The following ZNF397 variants were observed in gnomAD, a reference collection of about 807,000 sequenced individuals.
ZNF397 encodes zinc finger protein 397, also known as zinc finger and SCAN domain-containing protein 15.
ZNF397 carries 38 observed loss-of-function variants against 50.6 expected under a neutral mutation model. The observed-to-expected ratio is 0.75, with a 90% CI of 0.58 to 0.98. The LOEUF is 0.98. ZNF397 is among the 50% of genes least tolerant of loss of function. ZNF397 has a pLI of 0.00. For synonymous variants in ZNF397, 228 were observed against 215.2 expected, an observed-to-expected ratio of 1.06 and a Z score of -0.52; for missense variants, 624 against 624.1, an observed-to-expected ratio of 1.00 and a Z score of 0.00.
chr18:35,255,313 T>C (rs1471236399), intron 5 of ZNF397, among the ~76,000 whole-genome samples: 1 of 151,698 alleles, frequency 6.6e-6, no homozygotes, highest in Non-Finnish European at 1.5e-5. Context: ...CTACTAGTTA[T>C]ATCTAGAGAT....
chr18:35,246,522 A>C lies in ZNF397; in HGVS notation c.*212A>C. ...CAGAACAGAATACAGAAGAATCATT[A>C]CTTCCAGCTCTTCTCTTATTAGGAA... On this transcript the variant is annotated 3_prime_UTR_variant, in exon 4 of 4. Transcript: ENST00000330501. 7.6e-7 allele frequency: 1 copy of C among 1,310,750 alleles called. No homozygotes were observed. Among genetic ancestry groups the C allele is most frequent in the African/African-American group, 1.5e-5 (1 of 66,032 alleles). 81.2% of individuals were successfully genotyped at this position (1,310,750 alleles called of 1,614,324 possible). A position where few individuals can be genotyped will look rare whatever the true frequency, so the allele number is the denominator to read the frequency against.
At position 35,247,392 on chromosome 18, in the gene ZNF397, C is replaced by G. The variant is rs1346985057; in HGVS notation, c.*1082C>G. 1.3e-5 allele frequency: 2 copies of G among 152,686 alleles called. No individual in the cohort carries two copies. Among genetic ancestry groups the G allele is most frequent in the Admixed American group, 1.3e-4 (2 of 15,276 alleles). The allele number at this position is 152,686 out of a possible 1,614,324, so 9.5% of individuals were successfully genotyped here. Reference sequence around the variant, plus strand: ...GTGAGAAAGAGCCCAGCCTATACCTCAAGAGTCTGCTAGAGTGTTAAGACT... The same window carrying G: ...GTGAGAAAGAGCCCAGCCTATACCTGAAGAGTCTGCTAGAGTGTTAAGACT... On this transcript the variant is annotated 3_prime_UTR_variant, in exon 4 of 4. Transcript: ENST00000330501.
Position 35,243,135 on chromosome 18 carries a change from T to C in ZNF397, c.415-17T>C, listed in dbSNP as rs771651777. On this transcript the variant is annotated splice_polypyrimidine_tract_variant and intron_variant, in intron 2 of 3. Coordinates refer to ENST00000330501, the MANE Select transcript of ZNF397 (RefSeq NM_001135178.3). ...AGGGATTTTCTCACAAAGCTAACCA[T>C]ATTTTACTGATTTCAGGTCCCAGCT... 3.7e-6 allele frequency: 6 copies of C among 1,613,904 alleles called. No homozygotes were observed. Among genetic ancestry groups the C allele is most frequent in the African/African-American group, 1.3e-5 (1 of 75,022 alleles).
In ZNF397 at chr18:35,242,425, C is replaced by A. The variant is rs781222057; in HGVS notation, c.-46C>A. 2.6e-6 allele frequency: 4 copies of A among 1,560,666 alleles called. No individual in the cohort carries two copies. The highest frequency in any genetic ancestry group is 8.7e-7 in the Non-Finnish European group (1 of 1,152,704). On this transcript the variant is annotated 5_prime_UTR_variant, in exon 2 of 4. Transcript: ENST00000330501. ...GATTACTCACACTCCTTCGCAAGCA[C>A]AGAACCAGTTGTACTGAGCTTTTTG...
At chr18:35,252,319 C>G (rs565078782), downstream of ZNF397, 1 of 152,326 alleles carries the variant, frequency 6.6e-6, no homozygotes, top group East Asian at 1.9e-4. Flanking sequence ...ACAGTGGGGA[C>G]TGGAGTGTTT....
intron 5 of ZNF397, chr18:35,256,978 G>A (rs2043848553): frequency 6.5e-6 from 1 of 153,930 alleles, no homozygotes; most frequent in African/African-American, 2.4e-5. Flanking sequence ...GTCTTGCCAT[G>A]TTGCCCAGAC....
In ZNF397 at chr18:35,247,689, T is replaced by TTC. The variant is rs2043505474; in HGVS notation, c.*1380_*1381insCT. The TTC allele has an allele frequency of 6.7e-6, 1 of 148,194 alleles. No homozygotes were observed. The highest frequency in any genetic ancestry group is 1.5e-5 in the Non-Finnish European group (1 of 67,850). 9.2% of individuals were successfully genotyped at this position (148,194 alleles called of 1,614,324 possible). On this transcript the variant is annotated 3_prime_UTR_variant, in exon 4 of 4. Coordinates refer to ENST00000330501, the MANE Select transcript of ZNF397 (RefSeq NM_001135178.3). ...CAATTTTTTTTTTTTTTTTTTTTTT[T>TTC]TTGAGATGGAGTTCGCTCTTGTCCA...
chr18:35,255,315 T>C (rs1050581680), intron 5 of ZNF397, among the ~76,000 whole-genome samples: 2 of 151,630 alleles, frequency 1.3e-5, no homozygotes, highest in African/African-American at 4.8e-5. Context: ...ACTAGTTATA[T>C]CTAGAGATTT....
downstream of ZNF397, among the ~76,000 whole-genome samples, chr18:35,250,863 C>G (rs902908772): frequency 6.6e-6 from 1 of 152,194 alleles, no homozygotes; most frequent in Admixed American, 6.5e-5. Flanking sequence ...AACTAAATCT[C>G]AGATGCCCCC....
intron 3 of ZNF397, 68 bp downstream of exon 3, chr18:35,243,361 A>G: frequency 1.9e-6 from 3 of 1,610,272 alleles, no homozygotes; most frequent in Non-Finnish European, 2.5e-6. Flanking sequence ...TGCAGAATTA[A>G]TTGCACTTGA....
intron 3 of ZNF397, 43 bp downstream of exon 3, chr18:35,243,336 C>G: frequency 6.2e-7 from 1 of 1,613,978 alleles, no homozygotes; most frequent in Non-Finnish European, 8.5e-7. Context: ...ACACTTAGGC[C>G]TCTGTTTTTG....
rs2143615227 is a variant in ZNF397, at chr18:35,248,370, G to A, written c.*2060G>A. The A allele has an allele frequency of 6.6e-6, 1 of 152,230 alleles. No individual in the cohort carries two copies. The highest frequency in any genetic ancestry group is 2.1e-4 in the South Asian group (1 of 4,826). 9.4% of individuals were successfully genotyped at this position (152,230 alleles called of 1,614,324 possible). A position where few individuals can be genotyped will look rare whatever the true frequency, so the allele number is the denominator to read the frequency against. On this transcript the variant is annotated 3_prime_UTR_variant, in exon 4 of 4. Transcript: ENST00000330501. ...GGAGAGAATATGGAAAAAATGGATG[G>A]GATTATTTGGAAAAGATGTAAGAGA...
chr18:35,250,519 A>C (rs1438118998), downstream of ZNF397, among the ~76,000 whole-genome samples: 2 of 29,224 alleles, frequency 6.8e-5, no homozygotes, highest in Non-Finnish European at 2.0e-4. Context: ...GATAATGTGC[A>C]ATTTAGTGTA....
At chr18:35,253,478 T>C (rs781074820), downstream of ZNF397, 1 of 1,589,610 alleles carries the variant, frequency 6.3e-7, no homozygotes, top group South Asian at 1.1e-5. Flanking sequence ...TCTCTGATGC[T>C]GCATAAGGCC....
Position 35,243,303 on chromosome 18 carries a change from G to T in ZNF397, c.556+10G>T. 2.5e-6 allele frequency: 4 copies of T among 1,614,184 alleles called. No homozygotes were observed. Among genetic ancestry groups the T allele is most frequent in the Non-Finnish European group, 3.4e-6 (4 of 1,180,044 alleles). On this transcript the variant is annotated intron_variant, in intron 3 of 3. Coordinates refer to ENST00000330501, the MANE Select transcript of ZNF397 (RefSeq NM_001135178.3). ...CTTTCCCCTAAAAGTGGTGAGGAAT[G>T]GGAAATCATCTGGAAACTCTTGACA...
intron 2 of ZNF397, 70 bp from the exon 3 acceptor site, chr18:35,243,082 T>C: frequency 6.2e-7 from 1 of 1,604,950 alleles, no homozygotes; most frequent in Non-Finnish European, 8.5e-7. Flanking sequence ...ATTGACCTCT[T>C]TGAGATTTTT....
downstream of ZNF397, among the ~76,000 whole-genome samples, chr18:35,254,772 T>G (rs959052089): frequency 6.6e-6 from 1 of 152,288 alleles, no homozygotes; most frequent in African/African-American, 2.4e-5. Context: ...TAAAGAAAGA[T>G]ATCTAAGAGT....
chr18:35,243,129 T>A (rs747924368), intron 2 of ZNF397, 23 bp from the exon 3 acceptor site: 1 of 1,613,440 alleles, frequency 6.2e-7, no homozygotes, highest in Non-Finnish European at 8.5e-7. Flanking sequence ...CTCACAAAGC[T>A]AACCATATTT....
downstream of ZNF397, chr18:35,253,568 A>G: frequency 6.2e-7 from 1 of 1,614,056 alleles, no homozygotes; most frequent in African/African-American, 1.3e-5. Context: ...GTGCTGGGTG[A>G]GGGCTGAGCT....
Sources: allele counts gnomAD v4.1 joint callset (sites outside exome capture counted in the v4.1 genomes callset), GRCh38; gene constraint gnomAD v4.1.1; transcripts MANE v1.5; gene names NCBI Gene and HGNC (gene_info 2026-07-23, HGNC 2026-07-21).